ALDH2: variants seen among roughly 807,000 people sequenced by gnomAD.
The protein encoded by ALDH2 is aldehyde dehydrogenase 2 family member.
ALDH2 carries 44 observed loss-of-function variants against 59.6 expected under a neutral mutation model. The observed-to-expected ratio is 0.74, with a 90% CI of 0.58 to 0.95. The LOEUF (loss-of-function observed/expected upper bound fraction) is 0.95, where lower values mean the gene tolerates loss of function less well. ALDH2 is among the 40% of genes least tolerant of loss of function. ALDH2 has a pLI of 0.00. For missense variants in ALDH2, 570 were observed against 696.3 expected, an observed-to-expected ratio of 0.82 and a Z score of 2.04; for synonymous variants, 291 against 284.0, an observed-to-expected ratio of 1.02 and a Z score of -0.25.
chr12:111,806,001 G>A (rs1457428980), intron 12 of ALDH2, among the ~76,000 whole-genome samples: 8 of 122,834 alleles, frequency 6.5e-5, no homozygotes, highest in Non-Finnish European at 1.0e-4. Context: ...CCAGCCTGGC[G>A]ACAGAGTGAG....
intron 1 of ALDH2, among the ~76,000 whole-genome samples, chr12:111,768,034 G>A (rs758898604): frequency 6.6e-6 from 1 of 152,206 alleles, no homozygotes; most frequent in Non-Finnish European, 1.5e-5. Context: ...GCGTCTACCT[G>A]TTTTGCAATT....
Position 111,790,561 on chromosome 12 carries a change from A to AGGTGC in ALDH2, c.681+1_681+5dup. On this transcript the variant is annotated frameshift_variant and splice_region_variant, in exon 6 of 13. Coordinates refer to ENST00000261733, the MANE Select transcript of ALDH2 (RefSeq NM_000690.4). LOFTEE classifies it high-confidence loss of function. Reference sequence around the variant, plus strand: ...CTCTATGTGGCCAACCTGATCAAGGAGGTGCGTGGCTTATCCTGGTCTTAA... The same window carrying AGGTGC: ...CTCTATGTGGCCAACCTGATCAAGGAGGTGCGGTGCGTGGCTTATCCTGGTCTTAA... The AGGTGC allele has an allele frequency of 6.2e-7, 1 of 1,614,120 alleles. No individual in the cohort carries two copies. The highest frequency in any genetic ancestry group is 8.5e-7 in the Non-Finnish European group (1 of 1,180,024).
chr12:111,772,730 A>G (rs149677480), intron 1 of ALDH2, among the ~76,000 whole-genome samples: 2,248 of 147,492 alleles, frequency 0.015, 65 homozygotes, highest in African/African-American at 0.053. Flanking sequence ...CTGGAGTGCA[A>G]TGGCATGATC....
At chr12:111,775,598 C>A (rs1248927222) in intron 1 of ALDH2, 1 of 443,076 alleles carries the variant, frequency 2.3e-6, no homozygotes, top group East Asian at 7.1e-5. Flanking sequence ...TTATGTTTTG[C>A]CTACAGTCTA....
intron 1 of ALDH2, among the ~76,000 whole-genome samples, chr12:111,773,785 A>G (rs1437148619): frequency 6.6e-6 from 1 of 152,210 alleles, no homozygotes; most frequent in Non-Finnish European, 1.5e-5. Flanking sequence ...CCATGTTTGT[A>G]TTGTTCACTT....
In ALDH2 at chr12:111,792,159, C is replaced by A; in HGVS notation, c.894C>A (p.Ala298=). The A allele has an allele frequency of 6.3e-7, 1 of 1,598,594 alleles. No individual in the cohort carries two copies. Among genetic ancestry groups the A allele is most frequent in the Non-Finnish European group, 8.5e-7 (1 of 1,175,350 alleles). Residue 298 remains alanine, a synonymous_variant, in exon 8 of 13, where the codon GCC becomes GCA. Coordinates refer to ENST00000261733, the MANE Select transcript of ALDH2 (RefSeq NM_000690.4). ...GKSPNIIMSD[A]DMDWAVEQAH... ...GCCCCAACATCATCATGTCAGATGCCGATAGTGAGTTTCCAGCTGGAGAAG... is the reference window on the plus strand; with the variant it reads ...GCCCCAACATCATCATGTCAGATGCAGATAGTGAGTTTCCAGCTGGAGAAG...
At chr12:111,790,399 G>A in intron 5 of ALDH2, 35 bp from the exon 6 acceptor site, 1 of 1,613,836 alleles carries the variant, frequency 6.2e-7, no homozygotes, top group Non-Finnish European at 8.5e-7. Flanking sequence ...CTCTGAGGAA[G>A]CTTGGATTTC....
intron 7 of ALDH2, 63 bp from the exon 8 acceptor site, chr12:111,791,998 A>T: frequency 9.8e-7 from 1 of 1,021,068 alleles, no homozygotes; most frequent in Non-Finnish European, 1.5e-6. Flanking sequence ...TTCTGTGTCT[A>T]TAGAGTGCTG....
chr12:111,792,283 C>A, intron 8 of ALDH2, 120 bp downstream of exon 8: 1 of 829,224 alleles, frequency 1.2e-6, no homozygotes, highest in Non-Finnish European at 1.9e-6. Flanking sequence ...TCCCTCGGGC[C>A]TCAGGATAAG....
At chr12:111,791,582 C>T (rs756429991) in intron 7 of ALDH2, among the ~76,000 whole-genome samples, 163 bp downstream of exon 7, 1 of 152,162 alleles carries the variant, frequency 6.6e-6, no homozygotes, top group Non-Finnish European at 1.5e-5. Flanking sequence ...TTGAGCCCTT[C>T]GTGGTCTGGT....
At chr12:111,785,821 CCTT>C (rs2068304858) in intron 4 of ALDH2, among the ~76,000 whole-genome samples, 1 of 152,170 alleles carries the variant, frequency 6.6e-6, no homozygotes, top group African/African-American at 2.4e-5. Flanking sequence ...ATGGGAAAAT[CCTT>C]CAATATCACA....
rs1215056312 is a variant in ALDH2 at position 111,817,287 on chromosome 12, A to G, written c.*7712A>G. On this transcript the variant is annotated 3_prime_UTR_variant, in exon 13 of 13. Transcript: ENST00000261733. ...ATGGGCACAATGAGTAAGTTGAGTT[A>G]GAAGATGTTTCATGAAGTGCAAAGC... The G allele has an allele frequency of 6.6e-6, 1 of 152,232 alleles. No homozygotes were observed. Among genetic ancestry groups the G allele is most frequent in the Admixed American group, 6.5e-5 (1 of 15,282 alleles). The allele number at this position is 152,232 out of a possible 1,614,324, so 9.4% of individuals were successfully genotyped here. A position where few individuals can be genotyped will look rare whatever the true frequency, so the allele number is the denominator to read the frequency against.
chr12:111,792,182 A>AT lies in ALDH2; in HGVS notation c.898+19_898+20insT. 6.3e-7 allele frequency: 1 copy of AT among 1,577,470 alleles called. No individual in the cohort carries two copies. The highest frequency in any genetic ancestry group is 8.6e-7 in the Non-Finnish European group (1 of 1,159,002). On this transcript the variant is annotated intron_variant, in intron 8 of 12. Coordinates refer to ENST00000261733, the MANE Select transcript of ALDH2 (RefSeq NM_000690.4). ...GCCGATAGTGAGTTTCCAGCTGGAGAAGGCCTGGCCTTGAAGGTAGCCCTG... is the reference window on the plus strand; with the variant it reads ...GCCGATAGTGAGTTTCCAGCTGGAGATAGGCCTGGCCTTGAAGGTAGCCCTG...
At chr12:111,808,662 G>A (rs111994080) in intron 12 of ALDH2, among the ~76,000 whole-genome samples, 69 of 151,942 alleles carry the variant, frequency 4.5e-4, no homozygotes, top group Non-Finnish European at 7.1e-4. Flanking sequence ...CCGAGATTGC[G>A]CCACTGCACT....
rs551783677 is a variant in ALDH2, at chr12:111,784,488, A to G, written c.361-779A>G. Among the ~76,000 whole-genome samples the G allele has an allele frequency of 1.3e-4, 20 of 152,258 alleles. 1 individual carries two copies. The South Asian group carries it at 3.9e-3, about 30-fold the overall frequency. On this transcript the variant is annotated intron_variant, in intron 3 of 12. Transcript: ENST00000261733. ...TCTTCGCCCTGCTGCCATCTGTACC[A>G]TCCCCTTTGCCCAGTTGCCCCCTAC... is the stretch of plus-strand genomic sequence containing the variant.
chr12:111,796,020 G>A (rs2068400242), intron 9 of ALDH2, among the ~76,000 whole-genome samples: 1 of 151,960 alleles, frequency 6.6e-6, no homozygotes, highest in South Asian at 2.1e-4. Flanking sequence ...CAACACTTTG[G>A]GAGGCTGAGG....
chr12:111,770,818 T>G (rs2068193674), intron 1 of ALDH2, among the ~76,000 whole-genome samples: 1 of 152,082 alleles, frequency 6.6e-6, no homozygotes, highest in Admixed American at 6.5e-5. Context: ...CTAATTTTTT[T>G]GTATTCTTAG....
chr12:111,811,415 TACCA>T lies in ALDH2; in HGVS notation c.*1841_*1844del, dbSNP rs1422856039. On this transcript the variant is annotated 3_prime_UTR_variant, in exon 13 of 13. Coordinates refer to ENST00000261733, the MANE Select transcript of ALDH2 (RefSeq NM_000690.4). ...GTTCAAGAGGGCAATCAGCAGTCTCTACCATCATGTGAAACACCACTCTGTGATT... is the reference window on the plus strand; with the variant it reads ...GTTCAAGAGGGCAATCAGCAGTCTCTTCATGTGAAACACCACTCTGTGATT... The T allele has an allele frequency of 4.6e-5, 7 of 151,788 alleles. No individual in the cohort carries two copies. The highest frequency in any genetic ancestry group is 1.7e-4 in the African/African-American group (7 of 41,354). 9.4% of individuals were successfully genotyped at this position (151,788 alleles called of 1,614,324 possible).
chr12:111,785,994 T>C (rs2068305797), intron 4 of ALDH2, among the ~76,000 whole-genome samples: 1 of 152,234 alleles, frequency 6.6e-6, no homozygotes. Flanking sequence ...GTAAGATCTG[T>C]AGTGTTGTCT....
Sources: allele counts gnomAD v4.1 joint callset (sites outside exome capture counted in the v4.1 genomes callset), GRCh38; gene constraint gnomAD v4.1.1; transcripts MANE v1.5; gene names NCBI Gene and HGNC (gene_info 2026-07-23, HGNC 2026-07-21).